Variants in LRP1B observed in about 807,000 individuals in gnomAD.
LRP1B encodes low-density lipoprotein receptor-related protein 1B.
Under a neutral mutation model 556.6 loss-of-function variants are expected in LRP1B, and 217 were observed. The ratio of observed to expected loss-of-function variants is 0.39; its 90% CI spans 0.35 to 0.44. LRP1B has a LOEUF of 0.44. Among genes scored for constraint, LRP1B ranks in the 20% least tolerant of loss-of-function variants. LRP1B has a pLI of 1.00. For missense variants in LRP1B, 5,053 were observed against 5,620.8 expected (o/e 0.90, Z 3.23); for synonymous variants, 2,047 against 1,865.8 (o/e 1.10, Z -2.50).
intron 6 of LRP1B, among the ~76,000 whole-genome samples, chr2:141,223,612 C>T (rs1329389725): frequency 6.6e-6 from 1 of 152,166 alleles, no homozygotes; most frequent in African/African-American, 2.4e-5. Flanking sequence ...GGAGGCATCA[C>T]ACTACCTGAC....
chr2:141,204,031 A>G (rs929511964), intron 6 of LRP1B, among the ~76,000 whole-genome samples: 4 of 152,232 alleles, frequency 2.6e-5, no homozygotes, highest in African/African-American at 9.6e-5. Flanking sequence ...CATTTAAAGC[A>G]GAGTGTAGAG....
At chr2:141,120,830 A>G (rs1395356697) in intron 7 of LRP1B, among the ~76,000 whole-genome samples, 5 of 152,138 alleles carry the variant, frequency 3.3e-5, no homozygotes, top group African/African-American at 1.2e-4. Context: ...GGAATTTGAA[A>G]CAAGTGGTTA....
chr2:141,613,096 C>G (rs1055432517), intron 2 of LRP1B, among the ~76,000 whole-genome samples: 1 of 152,160 alleles, frequency 6.6e-6, no homozygotes, highest in Non-Finnish European at 1.5e-5. Context: ...GCATGAGCCA[C>G]CGCACCTGGC....
chr2:141,695,751 A>T (rs1691714802), intron 2 of LRP1B, among the ~76,000 whole-genome samples: 1 of 152,006 alleles, frequency 6.6e-6, no homozygotes, highest in South Asian at 2.1e-4. Flanking sequence ...GGTCCTAAAT[A>T]ACATCGTATT....
intron 3 of LRP1B, among the ~76,000 whole-genome samples, chr2:141,326,815 C>T (rs1203017949): frequency 6.6e-6 from 1 of 152,154 alleles, no homozygotes; most frequent in African/African-American, 2.4e-5. Flanking sequence ...AGAGTTGGAG[C>T]TTTATCTGGA....
At chr2:141,074,292 T>C (rs926346802) in intron 7 of LRP1B, among the ~76,000 whole-genome samples, 4 of 152,166 alleles carry the variant, frequency 2.6e-5, no homozygotes, top group African/African-American at 4.8e-5. Flanking sequence ...ACCTTGGCTT[T>C]AGTTTTCAAC....
intron 66 of LRP1B, among the ~76,000 whole-genome samples, 159 bp from the exon 67 acceptor site, chr2:140,386,168 T>A (rs1683752617): frequency 6.6e-6 from 1 of 152,122 alleles, no homozygotes. Flanking sequence ...CTGAGGAAAA[T>A]ATATATTTTT....
chr2:140,666,574 T>C (rs1195816806), intron 41 of LRP1B, among the ~76,000 whole-genome samples: 1 of 152,208 alleles, frequency 6.6e-6, no homozygotes, highest in East Asian at 1.9e-4. Flanking sequence ...AAAAGGAAGA[T>C]ATTTGTATGC....
At chr2:140,629,180 G>C (rs74626967) in intron 41 of LRP1B, among the ~76,000 whole-genome samples, 1 of 151,722 alleles carries the variant, frequency 6.6e-6, no homozygotes, top group East Asian at 1.9e-4. Context: ...CAGCCTCCTG[G>C]GTAGGTGGGA....
At chr2:141,725,798 C>T (rs13416198) in intron 2 of LRP1B, among the ~76,000 whole-genome samples, 1 of 151,246 alleles carries the variant, frequency 6.6e-6, no homozygotes, top group African/African-American at 2.4e-5. Flanking sequence ...GTACCTGGTT[C>T]TGAATTCTAA....
chr2:140,534,575 C>T (rs1690865394), intron 46 of LRP1B, among the ~76,000 whole-genome samples: 1 of 152,110 alleles, frequency 6.6e-6, no homozygotes, highest in African/African-American at 2.4e-5. Context: ...AGCACGTATT[C>T]CTGAATCAGT....
At position 140,994,011 on chromosome 2, in the gene LRP1B, C is replaced by T. The variant is rs553029572; in HGVS notation, c.2628G>A (p.Glu876=). ...AGAACATACAGCAGTTTACTGAATC[C>T]TCATCGCTTCCGTCTAGGCAGTCAT... is the stretch of plus-strand genomic sequence containing the variant. ...GDDDCLDGSD[E]DSVNCFNHSC... is the part of the protein sequence containing the mutation. The change falls in exon 16 of 91, where the codon GAG becomes GAA. Residue 876 remains glutamate, a synonymous_variant. Coordinates refer to ENST00000389484, the MANE Select transcript of LRP1B (RefSeq NM_018557.3). 2.8e-5 allele frequency: 45 copies of T among 1,612,396 alleles called. 1 individual carries two copies. The South Asian group carries it at 4.8e-4, about 17-fold the overall frequency.
chr2:141,522,872 ATC>A (rs1684573931), intron 2 of LRP1B, among the ~76,000 whole-genome samples: 2 of 152,276 alleles, frequency 1.3e-5, no homozygotes, highest in Admixed American at 6.5e-5. Context: ...AGCAACTGAC[ATC>A]TGTTTCCATC....
intron 1 of LRP1B, among the ~76,000 whole-genome samples, chr2:142,024,647 T>A (rs1345960391): frequency 6.6e-6 from 1 of 151,308 alleles, no homozygotes; most frequent in Non-Finnish European, 1.5e-5. Flanking sequence ...TATTTGTTTT[T>A]GCTTTCATGC....
At chr2:140,800,023 A>C (rs1221748918) in intron 32 of LRP1B, among the ~76,000 whole-genome samples, 1 of 152,158 alleles carries the variant, frequency 6.6e-6, no homozygotes, top group Non-Finnish European at 1.5e-5. Flanking sequence ...GATAGACTAG[A>C]TTAAGAAAAT....
intron 3 of LRP1B, among the ~76,000 whole-genome samples, chr2:141,374,728 CT>C (rs1208537227): frequency 3.3e-5 from 5 of 152,002 alleles, no homozygotes; most frequent in African/African-American, 4.8e-5. Flanking sequence ...ATTTTTAAAG[CT>C]TTCTTATCTC....
rs1714260 is a variant in LRP1B at position 141,175,375 on chromosome 2, G to C, written c.1013+13046C>G. 7.5e-3 allele frequency among the ~76,000 whole-genome samples: 1,136 copies of C among 152,208 alleles called. 12 individuals are homozygous for C. The highest frequency in any genetic ancestry group is 0.026 in the African/African-American group (1,094 of 41,560). ...TGAGAGAAAAGTGGTTCCACCCAGA[G>C]CCCTGCTGCTCTATGCAGCCTTGGG... On this transcript the variant is annotated intron_variant, in intron 7 of 90. Coordinates refer to ENST00000389484, the MANE Select transcript of LRP1B (RefSeq NM_018557.3).
At chr2:142,106,629 C>T (rs1706755880) in intron 1 of LRP1B, among the ~76,000 whole-genome samples, 3 of 152,054 alleles carry the variant, frequency 2.0e-5, no homozygotes, top group Non-Finnish European at 2.9e-5. Context: ...TTGGAATATG[C>T]CATTGCCCAC....
intron 3 of LRP1B, among the ~76,000 whole-genome samples, chr2:141,423,448 G>T (rs1278871277): frequency 1.3e-5 from 2 of 151,954 alleles, no homozygotes; most frequent in Non-Finnish European, 2.9e-5. Context: ...CTAAGCTGCT[G>T]CATCAAGATT....
Sources: allele counts gnomAD v4.1 joint callset (sites outside exome capture counted in the v4.1 genomes callset), GRCh38; gene constraint gnomAD v4.1.1; transcripts MANE v1.5; gene names NCBI Gene and HGNC (gene_info 2026-07-23, HGNC 2026-07-21).